The following TRIP11 variants were observed in gnomAD, a reference collection of about 807,000 sequenced individuals.
TRIP11 encodes the protein thyroid hormone receptor interactor 11, also known as thyroid receptor-interacting protein 11.
TRIP11 carries 148 observed loss-of-function variants against 223.1 expected under a neutral mutation model. The ratio of observed to expected loss-of-function variants is 0.66; its 90% CI spans 0.58 to 0.76. TRIP11 has a LOEUF of 0.76. Ranked by LOEUF, TRIP11 falls within the 30% of genes least tolerant of loss-of-function variation. The pLI, the probability that TRIP11 is intolerant of heterozygous loss-of-function variation, is 0.00. For synonymous variants in TRIP11, 762 were observed against 772.6 expected (o/e 0.99, Z 0.23); for missense variants, 2,043 against 2,222.0 (o/e 0.92, Z 1.62).
intron 2 of TRIP11, chr14:92,026,975 ACC>A (rs2057197293): frequency 1.1e-6 from 1 of 946,350 alleles, no homozygotes; most frequent in African/African-American, 1.7e-5. Context: ...AAACGTGGTC[ACC>A]TTCAAGTAGA....
At chr14:92,009,179 T>C (rs895468793) in intron 9 of TRIP11, among the ~76,000 whole-genome samples, 15 of 152,196 alleles carry the variant, frequency 9.9e-5, no homozygotes, top group African/African-American at 3.4e-4. Context: ...CACAGCCTCA[T>C]AGGTACTTTT....
rs994750418 is a variant in TRIP11 at position 91,969,271 on chromosome 14, A to AT, written c.*401dup. 1 of 311,022 alleles carries AT rather than the reference A, an allele frequency of 3.2e-6. No individual in the cohort carries two copies. Among genetic ancestry groups the AT allele is most frequent in the South Asian group, 5.0e-5 (1 of 20,028 alleles). The allele number at this position is 311,022 out of a possible 1,614,324, so 19.3% of individuals were successfully genotyped here. ...ACTATGCAGAGAAGCCACTACTAGT[A>AT]TTTTTTTATTCTTCGTTTAAAAAAA... On this transcript the variant is annotated 3_prime_UTR_variant, in exon 21 of 21. Transcript: ENST00000267622.
intron 12 of TRIP11, 109 bp from the exon 13 acceptor site, chr14:91,999,542 A>G: frequency 1.7e-6 from 2 of 1,143,214 alleles, no homozygotes; most frequent in Non-Finnish European, 2.5e-6. Flanking sequence ...ATTGTATACC[A>G]ATTTCTCATA....
At chr14:91,988,951 T>C (rs1041935969) in intron 15 of TRIP11, among the ~76,000 whole-genome samples, 4 of 152,228 alleles carry the variant, frequency 2.6e-5, no homozygotes, top group Admixed American at 6.5e-5. Flanking sequence ...TGAAGCTTTT[T>C]CACCTGTGCT....
Position 91,976,195 on chromosome 14 carries a change from G to A in TRIP11, c.5261-6C>T, listed in dbSNP as rs768687934. 1.9e-6 allele frequency: 3 copies of A among 1,610,710 alleles called. No homozygotes were observed. Among genetic ancestry groups the A allele is most frequent in the Non-Finnish European group, 2.5e-6 (3 of 1,179,146 alleles). On this transcript the variant is annotated splice_region_variant and splice_polypyrimidine_tract_variant and intron_variant, in intron 16 of 20. Transcript: ENST00000267622. The stretch of plus-strand genomic sequence containing the variant: ...CATTTCTTGTCGGAGCTCATCTGTT[G>A]TAAAATATGTGAATAAAGATAGCCA...
chr14:92,021,577 G>A lies in TRIP11; in HGVS notation c.567C>T (p.Gly189=), dbSNP rs1204113116. 10 of 1,613,906 alleles carry A rather than the reference G, an allele frequency of 6.2e-6. 1 individual carries two copies. The highest frequency in any genetic ancestry group is 8.5e-6 in the Non-Finnish European group (10 of 1,180,026). Residue 189 remains glycine, a synonymous_variant, in exon 4 of 21, where the codon GGC becomes GGT. Transcript: ENST00000267622. Reference sequence around the variant, plus strand: ...CTACCTGAGCAATATGCCTCCAATGGCCAACTTCAGACTCAAGTCTTGAAA... The same window carrying A: ...CTACCTGAGCAATATGCCTCCAATGACCAACTTCAGACTCAAGTCTTGAAA... The part of the protein sequence containing the change: ...NEVSRLESEV[G]HWRHIAQTSK...
intron 11 of TRIP11, among the ~76,000 whole-genome samples, chr14:92,001,824 T>C (rs943390169): frequency 3.9e-5 from 6 of 152,234 alleles, no homozygotes; most frequent in South Asian, 2.1e-4. Flanking sequence ...CTCTAGCCTC[T>C]AGGACTCTCT....
chr14:92,029,134 T>C (rs1321607844), intron 2 of TRIP11, among the ~76,000 whole-genome samples: 1 of 152,128 alleles, frequency 6.6e-6, no homozygotes, highest in Non-Finnish European at 1.5e-5. Flanking sequence ...TTTACTATCA[T>C]GGGAATTTTA....
chr14:91,981,942 G>A (rs1214605703), intron 16 of TRIP11, among the ~76,000 whole-genome samples: 18 of 147,300 alleles, frequency 1.2e-4, no homozygotes, highest in African/African-American at 4.5e-4. Context: ...TAGACAAACC[G>A]TCTCCACAAA....
At chr14:91,994,258 CTTT>C (rs539125037) in intron 14 of TRIP11, among the ~76,000 whole-genome samples, 16 of 127,424 alleles carry the variant, frequency 1.3e-4, no homozygotes, top group South Asian at 4.8e-4. Context: ...ACCTCAAAAA[CTTT>C]TTTTTTTTTT....
intron 4 of TRIP11, among the ~76,000 whole-genome samples, chr14:92,019,964 T>C (rs1242503252): frequency 6.6e-6 from 1 of 152,204 alleles, no homozygotes; most frequent in Non-Finnish European, 1.5e-5. Context: ...ATTATGTTTA[T>C]GAAAATATTC....
intron 2 of TRIP11, among the ~76,000 whole-genome samples, chr14:92,029,197 A>G (rs2057228199): frequency 6.6e-6 from 1 of 152,100 alleles, no homozygotes; most frequent in African/African-American, 2.4e-5. Context: ...CAATAACAAG[A>G]AAACGGAAAA....
At chr14:92,010,242 C>T (rs1566863266) in intron 9 of TRIP11, among the ~76,000 whole-genome samples, 1 of 151,756 alleles carries the variant, frequency 6.6e-6, no homozygotes, top group African/African-American at 2.4e-5. Flanking sequence ...CTATAAAGAC[C>T]TTCTTTCACC....
intron 16 of TRIP11, among the ~76,000 whole-genome samples, chr14:91,986,288 T>C (rs886728318): frequency 6.6e-6 from 1 of 152,170 alleles, no homozygotes; most frequent in African/African-American, 2.4e-5. Context: ...TAAATACAGG[T>C]TGAGTATCCC....
intron 15 of TRIP11, 28 bp from the exon 16 acceptor site, chr14:91,988,411 A>T: frequency 6.3e-7 from 1 of 1,590,516 alleles, no homozygotes; most frequent in South Asian, 1.1e-5. Flanking sequence ...ATTAAAAAAA[A>T]GTATGCAAAA....
chr14:91,985,005 A>G lies in TRIP11; in HGVS notation c.5260+3279T>C, dbSNP rs17127808. 5.3e-4 allele frequency among the ~76,000 whole-genome samples: 80 copies of G among 152,248 alleles called. 3 individuals are homozygous for G. The East Asian group carries it at 0.015, about 28-fold the overall frequency. On this transcript the variant is annotated intron_variant, in intron 16 of 20. Coordinates refer to ENST00000267622, the MANE Select transcript of TRIP11 (RefSeq NM_004239.4). ...TATAGTACTTAGGATCGTAGGATTT[A>G]TTTTCTTCGTTACTTTCCCGGGAAG...
Position 92,039,806 on chromosome 14 carries a change from A to T in TRIP11, c.-121T>A. 6.5e-7 allele frequency: 1 copy of T among 1,544,434 alleles called. No homozygotes were observed. Among genetic ancestry groups the T allele is most frequent in the Admixed American group, 2.0e-5 (1 of 50,736 alleles). On this transcript the variant is annotated 5_prime_UTR_variant, in exon 1 of 21. The change creates a new upstream start codon in the 5' untranslated region. Transcript: ENST00000267622. ...TCGCGAGACAGGATACGATAACACA[A>T]AGCTGGGTTCTCAGGCAAGGCCGAC...
intron 16 of TRIP11, among the ~76,000 whole-genome samples, chr14:91,984,236 C>A (rs1401721404): frequency 6.6e-6 from 1 of 152,064 alleles, no homozygotes; most frequent in African/African-American, 2.4e-5. Flanking sequence ...ATAAAATTCA[C>A]CACCTTTCTG....
chr14:91,999,522 G>T, intron 12 of TRIP11, 89 bp from the exon 13 acceptor site: 1 of 1,372,446 alleles, frequency 7.3e-7, no homozygotes, highest in Non-Finnish European at 1.0e-6. Flanking sequence ...TCCCATTATT[G>T]AAGATATTAA....
Sources: gnomAD v4.1 joint callset for allele counts (sites outside exome capture counted in the v4.1 genomes callset) on GRCh38, gnomAD v4.1.1 for gene constraint, MANE v1.5 for transcripts, NCBI Gene and HGNC (gene_info 2026-07-23, HGNC 2026-07-21) for gene names.